The following MX2 variants were observed in gnomAD, a reference collection of about 807,000 sequenced individuals.
MX2 encodes MX dynamin like GTPase 2.
A neutral mutation model predicts 74.0 loss-of-function variants in MX2; 51 were observed. The observed-to-expected ratio is 0.69, with a 90% confidence interval of 0.55 to 0.87. MX2 has a LOEUF of 0.87. MX2 is among the 40% of genes least tolerant of loss of function. The pLI is 0.00. For missense variants in MX2, 832 were observed against 908.7 expected, an observed-to-expected ratio of 0.92 and a Z score of 1.09; for synonymous variants, 369 against 339.3, an observed-to-expected ratio of 1.09 and a Z score of -0.96.
At chr21:41,386,209 T>C (rs1473576634) in intron 5 of MX2, among the ~76,000 whole-genome samples, 1 of 73,296 alleles carries the variant, frequency 1.4e-5, no homozygotes, top group Admixed American at 2.4e-4. Context: ...AACAGAGTAA[T>C]ACTCCATCTC....
intron 1 of MX2, among the ~76,000 whole-genome samples, chr21:41,371,494 G>T (rs1437242301): frequency 6.6e-6 from 1 of 152,170 alleles, no homozygotes; most frequent in East Asian, 1.9e-4. Flanking sequence ...AGTCTGGCCG[G>T]CATTTCCTCT....
intron 10 of MX2, 137 bp from the exon 11 acceptor site, chr21:41,401,833 C>G: frequency 1.2e-6 from 1 of 866,822 alleles, no homozygotes; most frequent in Non-Finnish European, 1.7e-6. Flanking sequence ...GAATATTTTT[C>G]TCATTGTGAA....
At chr21:41,398,464 G>A (rs1455641422) in intron 8 of MX2, among the ~76,000 whole-genome samples, 2 of 152,340 alleles carry the variant, frequency 1.3e-5, no homozygotes, top group Admixed American at 6.5e-5. Flanking sequence ...CGGTTATTGA[G>A]AAATCGAATA....
rs1173345628 is a variant in MX2 at position 41,368,134 on chromosome 21, G to A, written c.-72+6079G>A. ...CCTGGAGAGGAACCCACAGTGCAGCGGCTCCTGAAAGCAGAGGCCTGCACC... is the reference window on the plus strand; with the variant it reads ...CCTGGAGAGGAACCCACAGTGCAGCAGCTCCTGAAAGCAGAGGCCTGCACC... On this transcript the variant is annotated intron_variant, in intron 1 of 13. Transcript: ENST00000330714. The surrounding 1 kb of genome is among the most constrained non-coding windows in gnomAD (Gnocchi z 4.6). Among the ~76,000 whole-genome samples the A allele has an allele frequency of 3.3e-5, 5 of 152,156 alleles. No individual in the cohort carries two copies. Among genetic ancestry groups the A allele is most frequent in the Admixed American group, 2.6e-4 (4 of 15,288 alleles).
intron 1 of MX2, chr21:41,374,034 G>A (rs948165305): frequency 2.6e-5 from 4 of 152,570 alleles, no homozygotes; most frequent in Admixed American, 6.5e-5. Context: ...GAAGCCTAGT[G>A]TCCCCTCCAC....
chr21:41,397,454 T>C (rs2089750366), intron 7 of MX2, among the ~76,000 whole-genome samples, 159 bp from the exon 8 acceptor site: 1 of 152,110 alleles, frequency 6.6e-6, no homozygotes, highest in Non-Finnish European at 1.5e-5. Flanking sequence ...GTTGCCTGGG[T>C]GCAGGCTGGT....
At chr21:41,382,971 C>A (rs141756166) in intron 5 of MX2, among the ~76,000 whole-genome samples, 1 of 152,282 alleles carries the variant, frequency 6.6e-6, no homozygotes, top group Admixed American at 6.5e-5. Context: ...CTGGTCTGGG[C>A]AGGAGAGGCA....
chr21:41,362,741 TTTTTTTTTC>T (rs2089224810), intron 1 of MX2, among the ~76,000 whole-genome samples: 1 of 102,378 alleles, frequency 9.8e-6, no homozygotes, highest in African/African-American at 4.4e-5. Flanking sequence ...GATGACGCAG[TTTTTTTTTC>T]TTTTTTTTTT....
At chr21:41,407,877 C>T in intron 13 of MX2, 114 bp from the exon 14 acceptor site, 1 of 1,408,018 alleles carries the variant, frequency 7.1e-7, no homozygotes, top group Non-Finnish European at 9.8e-7. Flanking sequence ...GGCGAGACCA[C>T]CAGGGCTTCG....
intron 4 of MX2, 119 bp from the exon 5 acceptor site, chr21:41,382,291 A>C: frequency 7.8e-7 from 1 of 1,282,594 alleles, no homozygotes; most frequent in Non-Finnish European, 1.0e-6. Context: ...TTTTCTAAAC[A>C]CCAGGGACCT....
chr21:41,400,652 C>T (rs1266329594), intron 10 of MX2, among the ~76,000 whole-genome samples: 2 of 152,170 alleles, frequency 1.3e-5, no homozygotes, highest in South Asian at 2.1e-4. Flanking sequence ...GAGAAGCAAG[C>T]ACCTTCTTTC....
Position 41,398,897 on chromosome 21 carries a change from A to T in MX2, c.1150A>T (p.Lys384Ter), listed in dbSNP as rs1357616234. 3.7e-6 allele frequency: 6 copies of T among 1,612,104 alleles called. No homozygotes were observed. The highest frequency in any genetic ancestry group is 1.7e-4 in the Middle Eastern group (1 of 6,052). ...LTTELIMHIQ[K>*]SLPLLEGQIR... Reference sequence around the variant, plus strand: ...GATTGTTTGCAATTGTTTTGTTTAGAAATCGCTCCCGTTGTTAGAAGGACA... The same window carrying T: ...GATTGTTTGCAATTGTTTTGTTTAGTAATCGCTCCCGTTGTTAGAAGGACA... The change falls in exon 9 of 14, where the codon AAA (lysine) becomes TAA (stop). Residue 384 changes from lysine to a stop codon, truncating the protein, a stop_gained and splice_region_variant. Transcript: ENST00000330714. LOFTEE classifies it high-confidence loss of function.
rs1178383420 is a variant in MX2 at position 41,388,618 on chromosome 21, C to T, written c.733-1947C>T. ...TGGGGGCGTATGCTCAATGCCGAGT[C>T]TCTGAACCCCAGGATGGGCCCCACA... On this transcript the variant is annotated intron_variant, in intron 5 of 13. Coordinates refer to ENST00000330714, the MANE Select transcript of MX2 (RefSeq NM_002463.2). This position sits in a 1 kb window ranked among gnomAD's most constrained non-coding sequence, Gnocchi z 4.0. 6.6e-6 allele frequency among the ~76,000 whole-genome samples: 1 copy of T among 152,174 alleles called. No homozygotes were observed. The highest frequency in any genetic ancestry group is 1.9e-4 in the East Asian group (1 of 5,182).
intron 7 of MX2, among the ~76,000 whole-genome samples, chr21:41,396,698 CCT>C (rs2089741143): frequency 6.6e-6 from 1 of 152,200 alleles, no homozygotes. Flanking sequence ...CTTCTTTCTT[CCT>C]CTCTGCTCCT....
intron 7 of MX2, among the ~76,000 whole-genome samples, chr21:41,396,887 C>T (rs1401607897): frequency 6.6e-6 from 1 of 152,214 alleles, no homozygotes; most frequent in Non-Finnish European, 1.5e-5. Flanking sequence ...CTGTCCTGCT[C>T]TGCCCTGAGG....
chr21:41,395,646 G>A lies in MX2; in HGVS notation c.931G>A (p.Val311Met). 6.2e-7 allele frequency: 1 copy of A among 1,614,186 alleles called. No homozygotes were observed. The highest frequency in any genetic ancestry group is 1.3e-5 in the African/African-American group (1 of 75,036). ...CACTGAGAAAAGCGTCATGAATGTG[G>A]TGCGGAACCTCACGTACCCCCTCAA... ...RGTEKSVMNV[V>M]RNLTYPLKKG... Residue 311 changes from valine to methionine, a missense_variant, in exon 7 of 14, where the codon GTG becomes ATG. Transcript: ENST00000330714.
intron 1 of MX2, among the ~76,000 whole-genome samples, chr21:41,371,068 G>C (rs2089318774): frequency 6.6e-6 from 1 of 152,202 alleles, no homozygotes; most frequent in African/African-American, 2.4e-5. Flanking sequence ...AGAAAACGTG[G>C]TTGCAGGATT....
rs201654154 is a variant in MX2 at position 41,407,980 on chromosome 21, C to G, written c.1906-11C>G. 352 of 1,613,838 alleles carry G rather than the reference C, an allele frequency of 2.2e-4. 4 individuals are homozygous for G. The Middle Eastern group carries it at 3.1e-3, about 14-fold the overall frequency. ...ACCACTCCAGCAAACCCTTCTTTCTCCCTCTTCCAGGAAACCAGCAAACGT... is the reference window on the plus strand; with the variant it reads ...ACCACTCCAGCAAACCCTTCTTTCTGCCTCTTCCAGGAAACCAGCAAACGT... On this transcript the variant is annotated splice_polypyrimidine_tract_variant and intron_variant, in intron 13 of 13. Transcript: ENST00000330714.
intron 5 of MX2, among the ~76,000 whole-genome samples, chr21:41,385,361 G>T (rs1435383974): frequency 1.3e-5 from 2 of 152,222 alleles, no homozygotes; most frequent in African/African-American, 4.8e-5. Flanking sequence ...TCGTGGGAGG[G>T]ACCTGGTGGG....
Sources: gnomAD v4.1 joint callset for allele counts (sites outside exome capture counted in the v4.1 genomes callset) on GRCh38, gnomAD v4.1.1 for gene constraint, Gnocchi (gnomAD v3.1) non-coding constraint, MANE v1.5 for transcripts, NCBI Gene and HGNC (gene_info 2026-07-23, HGNC 2026-07-21) for gene names.